The following SFXN4 variants were observed in gnomAD, a reference collection of about 807,000 sequenced individuals.
SFXN4 encodes the protein sideroflexin 4, also known as sideroflexin-4.
Under a neutral mutation model 54.6 loss-of-function variants are expected in SFXN4, and 48 were observed. That is an observed-to-expected ratio of 0.88 (90% CI 0.70 to 1.12). The LOEUF (loss-of-function observed/expected upper bound fraction) is 1.12, where lower values mean the gene tolerates loss of function less well. Among genes scored for constraint, SFXN4 ranks in the 50% most tolerant of loss-of-function variants. The probability of loss-of-function intolerance (pLI) is 0.00; values close to 1 mark genes in which losing one functional copy is unlikely to be tolerated. For synonymous variants in SFXN4, 130 were observed against 145.5 expected, an observed-to-expected ratio of 0.89 and a Z score of 0.77; for missense variants, 383 against 409.2, an observed-to-expected ratio of 0.94 and a Z score of 0.55.
At chr10:119,159,968 G>C (rs1847452148) in intron 5 of SFXN4, among the ~76,000 whole-genome samples, 2 of 152,152 alleles carry the variant, frequency 1.3e-5, no homozygotes, top group Admixed American at 1.3e-4. Context: ...GTTGAGGCCA[G>C]GAGTTCGAGA....
At chr10:119,157,798 A>C (rs560018929) in intron 8 of SFXN4, 65 bp from the exon 9 acceptor site, 2 of 1,604,702 alleles carry the variant, frequency 1.2e-6, no homozygotes, top group Non-Finnish European at 1.7e-6. Context: ...GATAATTTAA[A>C]AACAAACACA....
At chr10:119,152,019 A>G (rs540830718) in intron 11 of SFXN4, among the ~76,000 whole-genome samples, 6 of 151,542 alleles carry the variant, frequency 4.0e-5, no homozygotes, top group Admixed American at 6.6e-5. Context: ...GGGTTTTGCT[A>G]TGCTGCCCAG....
At chr10:119,141,636 G>A (rs1327763007) in intron 13 of SFXN4, among the ~76,000 whole-genome samples, 2 of 150,374 alleles carry the variant, frequency 1.3e-5, no homozygotes, top group Non-Finnish European at 3.0e-5. Context: ...TCAGCCACCC[G>A]AGTAGCTGGG....
chr10:119,163,218 TAC>T (rs1847626028), intron 2 of SFXN4, among the ~76,000 whole-genome samples: 1 of 149,214 alleles, frequency 6.7e-6, no homozygotes, highest in Admixed American at 6.9e-5. Flanking sequence ...CTAATTTTAT[TAC>T]ATTTTCTTTC....
At chr10:119,159,869 C>G (rs1278851883) in intron 5 of SFXN4, 116 bp from the exon 6 acceptor site, 2 of 1,089,022 alleles carry the variant, frequency 1.8e-6, no homozygotes, top group Non-Finnish European at 2.8e-6. Context: ...GCACAGACCT[C>G]AAAGGACTTT....
intron 11 of SFXN4, among the ~76,000 whole-genome samples, chr10:119,148,568 C>T (rs781041436): frequency 2.0e-5 from 3 of 152,158 alleles, no homozygotes; most frequent in Non-Finnish European, 4.4e-5. Context: ...GACTCTCATA[C>T]CTGCCATTGG....
intron 5 of SFXN4, 53 bp downstream of exon 5, chr10:119,160,862 G>C: frequency 6.4e-7 from 1 of 1,568,848 alleles, no homozygotes; most frequent in East Asian, 2.2e-5. Context: ...AGTTTTCTAA[G>C]TGTTAGAAAC....
intron 6 of SFXN4, among the ~76,000 whole-genome samples, chr10:119,159,164 C>T (rs1385478635): frequency 3.3e-5 from 5 of 151,942 alleles, no homozygotes; most frequent in Non-Finnish European, 7.4e-5. Flanking sequence ...CCTGTAATCC[C>T]AGCTACTCAG....
chr10:119,153,177 A>C (rs1847140748), intron 11 of SFXN4, among the ~76,000 whole-genome samples: 1 of 152,060 alleles, frequency 6.6e-6, no homozygotes, highest in South Asian at 2.1e-4. Context: ...TTGGGAGGCC[A>C]AGGTGGGCAG....
chr10:119,164,057 A>AC, intron 2 of SFXN4, 74 bp downstream of exon 2: 1 of 875,062 alleles, frequency 1.1e-6, no homozygotes, highest in South Asian at 1.5e-5. Flanking sequence ...AAAAAAAAAA[A>AC]AAAAAAAGGG....
chr10:119,162,775 CCT>C (rs34045411), intron 2 of SFXN4, among the ~76,000 whole-genome samples: 47,007 of 151,844 alleles, frequency 0.31, 8,401 homozygotes, highest in South Asian at 0.4. Flanking sequence ...AGTCTTATTT[CCT>C]CTCTTTTTCT....
intron 13 of SFXN4, 104 bp downstream of exon 13, chr10:119,146,132 T>C (rs865889461): frequency 2.9e-6 from 2 of 700,978 alleles, no homozygotes; most frequent in African/African-American, 1.8e-5. Context: ...GGTCTTATTT[T>C]ATATTTTTAT....
chr10:119,151,136 G>A (rs1311660782), intron 11 of SFXN4, among the ~76,000 whole-genome samples: 4 of 152,190 alleles, frequency 2.6e-5, no homozygotes, highest in Admixed American at 6.5e-5. Context: ...TTGGGAGGCC[G>A]AGGCGGGTGG....
intron 10 of SFXN4, among the ~76,000 whole-genome samples, chr10:119,155,665 G>C (rs1281256694): frequency 6.6e-6 from 1 of 152,098 alleles, no homozygotes; most frequent in African/African-American, 2.4e-5. Context: ...GCTAATTTTT[G>C]TATTTTTAGT....
Position 119,157,861 on chromosome 10 carries a change from T to C in SFXN4, c.471+10A>G, listed in dbSNP as rs200847784. ...AAAACCCCACACTCTCTGGGTCTCA[T>C]AATACTCACGTAACTTCTGTTTCCA... On this transcript the variant is annotated intron_variant, in intron 8 of 13. Coordinates refer to ENST00000355697, the MANE Select transcript of SFXN4 (RefSeq NM_213649.2). 6.2e-7 allele frequency: 1 copy of C among 1,614,154 alleles called. No homozygotes were observed. Among genetic ancestry groups the C allele is most frequent in the East Asian group, 2.2e-5 (1 of 44,888 alleles).
chr10:119,156,696 A>G lies in SFXN4; in HGVS notation c.598T>C (p.Leu200=), dbSNP rs748798869. Residue 200 remains leucine (L), a synonymous_variant, in exon 10 of 14, where the codon TTA becomes CTA. Transcript: ENST00000355697. ...GLTGPWIKRL[L]PVIFLVQASG... ...TGCTCACCGAGGAAGATCACAGGTA[A>G]GAGTCTTTTAATCCAAGGGCCAGTC... 5 of 1,611,180 alleles carry G rather than the reference A, an allele frequency of 3.1e-6. No individual in the cohort carries two copies. The highest frequency in any genetic ancestry group is 4.2e-6 in the Non-Finnish European group (5 of 1,178,536).
At chr10:119,157,974 G>T in intron 7 of SFXN4, 35 bp downstream of exon 7, 1 of 1,614,052 alleles carries the variant, frequency 6.2e-7, no homozygotes, top group Non-Finnish European at 8.5e-7. Flanking sequence ...AAGCATAACA[G>T]AATTTAGTAA....
rs141608372 is a variant in SFXN4 at position 119,146,460 on chromosome 10, T to TGTGTGTGCGC, written c.819-108_819-107insGCGCACACAC. 117 of 570,990 alleles carry TGTGTGTGCGC rather than the reference T, an allele frequency of 2.0e-4. 1 individual carries two copies. Among genetic ancestry groups the TGTGTGTGCGC allele is most frequent in the African/African-American group, 2.0e-3 (95 of 46,964 alleles). The allele number at this position is 570,990 out of a possible 1,614,324, so 35.4% of individuals were successfully genotyped here. On this transcript the variant is annotated intron_variant, in intron 12 of 13. Transcript: ENST00000355697. ...GTGTGTGTGTGTGTGTGTGTGTGTG[T>TGTGTGTGCGC]GCACGTGTGTGTGTACCTGAACACC...
chr10:119,162,323 G>C lies in SFXN4; in HGVS notation c.252+17C>G. The C allele has an allele frequency of 6.2e-7, 1 of 1,612,646 alleles. No individual in the cohort carries two copies. The highest frequency in any genetic ancestry group is 1.7e-4 in the Middle Eastern group (1 of 6,060). ...CATCTGAGGGCAACCAGCCAGACCT[G>C]AGCACGTGAAACATACCCTTTGGTC... On this transcript the variant is annotated intron_variant, in intron 3 of 13. Transcript: ENST00000355697.
Sources: gnomAD v4.1 joint callset for allele counts (sites outside exome capture counted in the v4.1 genomes callset) on GRCh38, gnomAD v4.1.1 for gene constraint, MANE v1.5 for transcripts, NCBI Gene and HGNC (gene_info 2026-07-23, HGNC 2026-07-21) for gene names.